TMEM185B: variants seen among roughly 807,000 people sequenced by gnomAD.
The protein encoded by TMEM185B is transmembrane protein 185B, also known as ee3_2.
Under a neutral mutation model 26.2 loss-of-function variants are expected in TMEM185B, and 9 were observed. The ratio of observed to expected loss-of-function variants is 0.34; its 90% CI spans 0.21 to 0.60. The LOEUF (loss-of-function observed/expected upper bound fraction) is 0.60, where lower values mean the gene tolerates loss of function less well. Ranked by LOEUF, TMEM185B falls within the 20% of genes least tolerant of loss-of-function variation. TMEM185B has a pLI of 0.80. For missense variants in TMEM185B, 392 were observed against 447.9 expected, an observed-to-expected ratio of 0.88 and a Z score of 1.13; for synonymous variants, 204 against 191.8, an observed-to-expected ratio of 1.06 and a Z score of -0.52.
Position 120,222,154 on chromosome 2 carries a change from G to A in TMEM185B, c.823C>T (p.Arg275Cys), listed in dbSNP as rs781680405. The A allele has an allele frequency of 2.6e-6, 4 of 1,562,668 alleles. No homozygotes were observed. The highest frequency in any genetic ancestry group is 3.5e-6 in the Non-Finnish European group (4 of 1,155,698). Residue 275 changes from arginine (R) to cysteine (C), a missense_variant, in exon 1 of 1, where the codon CGC (arginine) becomes TGC (cysteine). Arg to Cys is a radical substitution (Grantham distance 180). Transcript: ENST00000426077. ...AGCAGAAACTGACAGAAGTCTCTGC[G>A]AATGCCAAACCACCAATGATTGCCC... ...KGGNHWWFGI[R>C]RDFCQFLLEI...
In TMEM185B at chr2:120,222,030, G is replaced by T. The variant is rs1220081406; in HGVS notation, c.947C>A (p.Pro316Gln). 3.9e-6 allele frequency: 6 copies of T among 1,543,662 alleles called. No homozygotes were observed. Among genetic ancestry groups the T allele is most frequent in the Non-Finnish European group, 5.2e-6 (6 of 1,146,936 alleles). ...CTTTCCAAATATTGGAGCAATTTTC[G>T]GAGCTTCTGGAACTGATGTTTCTTC... is the stretch of plus-strand genomic sequence containing the variant. ...DAEETSVPEA[P>Q]KIAPIFGKKA... Residue 316 changes from proline (P) to glutamine (Q), a missense_variant, in exon 1 of 1, where the codon CCG becomes CAG. By Grantham distance (76) the Pro-to-Gln change is moderately conservative. This residue lies in a region of TMEM185B where 176 missense variants were observed against 201.6 expected (regional missense o/e 0.87). Transcript: ENST00000426077.
Position 120,221,825 on chromosome 2 carries a change from C to G in TMEM185B, c.*99G>C. The G allele has an allele frequency of 1.0e-6, 1 of 976,774 alleles. No individual in the cohort carries two copies. Among genetic ancestry groups the G allele is most frequent in the East Asian group, 2.6e-5 (1 of 38,150 alleles). 60.5% of individuals were successfully genotyped at this position (976,774 alleles called of 1,614,324 possible). A position where few individuals can be genotyped will look rare whatever the true frequency, so the allele number is the denominator to read the frequency against. On this transcript the variant is annotated 3_prime_UTR_variant, in exon 1 of 1. Transcript: ENST00000426077. The stretch of plus-strand genomic sequence containing the variant: ...CGGTGATCTCAAACACGGCGTGAGA[C>G]GAGTGTTTGAAGCCTGTTTCCATTT...
rs745956232 is a variant in TMEM185B, at chr2:120,220,024, G to A, written c.*1900C>T. Among the ~76,000 whole-genome samples the A allele has an allele frequency of 5.3e-5, 8 of 152,216 alleles. No homozygotes were observed. The South Asian group carries it at 8.3e-4, about 16-fold the overall frequency. On this transcript the variant is annotated 3_prime_UTR_variant, in exon 1 of 1. Coordinates refer to ENST00000426077, the MANE Select transcript of TMEM185B (RefSeq NM_024121.3). ...ACTGCCAGTGTGAGAGAGACAGAGC[G>A]AGCTCCCTCAGACAGCGAGCTCAAT...
Position 120,222,185 on chromosome 2 carries a change from T to C in TMEM185B, c.792A>G (p.Arg264=), listed in dbSNP as rs1361203024. Residue 264 remains arginine, a synonymous_variant, in exon 1 of 1, where the codon CGA becomes CGG. Coordinates refer to ENST00000426077, the MANE Select transcript of TMEM185B (RefSeq NM_024121.3). Reference sequence around the variant, plus strand: ...CAAACCACCAATGATTGCCCCCCTTTCGCCTAAATGTTGTGGCCATTAAAG... The same window carrying C: ...CAAACCACCAATGATTGCCCCCCTTCCGCCTAAATGTTGTGGCCATTAAAG... The part of the protein sequence containing the change: ...LLTLMATTFR[R]KGGNHWWFGI... 2.6e-6 allele frequency: 4 copies of C among 1,546,578 alleles called. No individual in the cohort carries two copies. In the East Asian group the frequency reaches 9.7e-5, roughly 38 times the overall value.
Position 120,221,984 on chromosome 2 carries a change from G to C in TMEM185B, c.993C>G (p.Thr331=). The C allele has an allele frequency of 6.5e-7, 1 of 1,537,428 alleles. No homozygotes were observed. Among genetic ancestry groups the C allele is most frequent in the South Asian group, 1.2e-5 (1 of 84,040 alleles). Residue 331 remains threonine (T), a synonymous_variant, in exon 1 of 1, where the codon ACC becomes ACG. Transcript: ENST00000426077. ...GGGGAACGTATTTCCCAGGGCTCTG[G>C]GTTATAACTACTCTGGCCTTCTTTC... The part of the protein sequence containing the change: ...IFGKKARVVI[T]QSPGKYVPPP...
rs1024215443 is a variant in TMEM185B at position 120,217,596 on chromosome 2, A to T, written c.*4328T>A. 1.4e-4 allele frequency among the ~76,000 whole-genome samples: 21 copies of T among 152,234 alleles called. No individual in the cohort carries two copies. The highest frequency in any genetic ancestry group is 2.6e-4 in the Non-Finnish European group (18 of 68,034). ...AATATATTTCATCAGTAGGAGTGGC[A>T]TCGTTTTACATTTTTGCAGATCCTT... On this transcript the variant is annotated 3_prime_UTR_variant, in exon 1 of 1. Coordinates refer to ENST00000426077, the MANE Select transcript of TMEM185B (RefSeq NM_024121.3).
rs1337026468 is a variant in TMEM185B, at chr2:120,222,599, G to A, written c.378C>T (p.Ser126=). The change falls in exon 1 of 1, where the codon TCC becomes TCT. Residue 126 remains serine (S), a synonymous_variant. Coordinates refer to ENST00000426077, the MANE Select transcript of TMEM185B (RefSeq NM_024121.3). ...FMPLFFVSPV[S]VAACVWGFRH... is the part of the protein sequence containing the mutation. ...GAAAGCCCCAGACGCAGGCAGCCAC[G>A]GACACGGGGGACACGAAGAAGAGAG... 12 of 1,536,422 alleles carry A rather than the reference G, an allele frequency of 7.8e-6. No homozygotes were observed. Among genetic ancestry groups the A allele is most frequent in the Admixed American group, 2.0e-5 (1 of 51,006 alleles).
rs1331666088 is a variant in TMEM185B, at chr2:120,218,094, T to C, written c.*3830A>G. ...CTGAACACCCTTCCTTTTGGGAAAA[T>C]CTTTTATCGAGTGAGTTCTGGCAGA... On this transcript the variant is annotated 3_prime_UTR_variant, in exon 1 of 1. Transcript: ENST00000426077. Among the ~76,000 whole-genome samples the C allele has an allele frequency of 6.6e-6, 1 of 152,152 alleles. No individual in the cohort carries two copies. Among genetic ancestry groups the C allele is most frequent in the Non-Finnish European group, 1.5e-5 (1 of 68,036 alleles).
rs530007945 is a variant in TMEM185B at position 120,220,023 on chromosome 2, C to T, written c.*1901G>A. ...AACTGCCAGTGTGAGAGAGACAGAG[C>T]GAGCTCCCTCAGACAGCGAGCTCAA... On this transcript the variant is annotated 3_prime_UTR_variant, in exon 1 of 1. Transcript: ENST00000426077. Among the ~76,000 whole-genome samples the T allele has an allele frequency of 3.9e-5, 6 of 152,342 alleles. No individual in the cohort carries two copies. The highest frequency in any genetic ancestry group is 1.2e-4 in the African/African-American group (5 of 41,584).
In TMEM185B at chr2:120,222,522, T is replaced by G; in HGVS notation, c.455A>C (p.Gln152Pro). ...CAGCTTTAGGGCGATGAAGATGAAC[T>G]GCAGGATGTTGACCGAGCACAGGAT... ...LEILCSVNIL[Q>P]FIFIALKLDR... Residue 152 changes from glutamine to proline, a missense_variant, in exon 1 of 1, where the codon CAG (glutamine) becomes CCG (proline). Coordinates refer to ENST00000426077, the MANE Select transcript of TMEM185B (RefSeq NM_024121.3). 2 of 1,536,270 alleles carry G rather than the reference T, an allele frequency of 1.3e-6. No homozygotes were observed.
In TMEM185B at chr2:120,221,747, C is replaced by T; in HGVS notation, c.*177G>A. On this transcript the variant is annotated 3_prime_UTR_variant, in exon 1 of 1. Coordinates refer to ENST00000426077, the MANE Select transcript of TMEM185B (RefSeq NM_024121.3). The stretch of plus-strand genomic sequence containing the variant: ...GCAAGTCTCTTACCCAGGTACACAT[C>T]ACACACACCCACATACTGAAACCAC... 1.6e-6 allele frequency: 1 copy of T among 617,112 alleles called. No homozygotes were observed. The highest frequency in any genetic ancestry group is 2.8e-6 in the Non-Finnish European group (1 of 360,440). 38.2% of individuals were successfully genotyped at this position (617,112 alleles called of 1,614,324 possible).
rs966399157 is a variant in TMEM185B at position 120,219,845 on chromosome 2, C to G, written c.*2079G>C. Among the ~76,000 whole-genome samples, 1 of 152,272 alleles carries G rather than the reference C, an allele frequency of 6.6e-6. No individual in the cohort carries two copies. Among genetic ancestry groups the G allele is most frequent in the Admixed American group, 6.5e-5 (1 of 15,294 alleles). ...CACCGTACAGGACACTTTGCATGGG[C>G]AGGGCTGTTTGCTCTCCACTGCATC... is the stretch of plus-strand genomic sequence containing the variant. On this transcript the variant is annotated 3_prime_UTR_variant, in exon 1 of 1. Transcript: ENST00000426077.
Position 120,221,717 on chromosome 2 carries a change from G to T in TMEM185B, c.*207C>A. 1.8e-6 allele frequency: 1 copy of T among 558,832 alleles called. No individual in the cohort carries two copies. Among genetic ancestry groups the T allele is most frequent in the South Asian group, 2.6e-5 (1 of 38,976 alleles). 34.6% of individuals were successfully genotyped at this position (558,832 alleles called of 1,614,324 possible). On this transcript the variant is annotated 3_prime_UTR_variant, in exon 1 of 1. Transcript: ENST00000426077. ...CAGCTACACCTGAAAGTGCGAACCT[G>T]GAAAGCAAGTCTCTTACCCAGGTAC...
rs1448701804 is a variant in TMEM185B at position 120,218,881 on chromosome 2, CCT to C, written c.*3041_*3042del. Among the ~76,000 whole-genome samples the C allele has an allele frequency of 7.9e-5, 12 of 152,356 alleles. No homozygotes were observed. The highest frequency in any genetic ancestry group is 1.9e-4 in the East Asian group (1 of 5,186). On this transcript the variant is annotated 3_prime_UTR_variant, in exon 1 of 1. Transcript: ENST00000426077. ...TACTGAGGTCACGGAGTGACAGCCC[CCT>C]GTGTGGACTGTGCTTGTTCCTTGGC... is the stretch of plus-strand genomic sequence containing the variant.
At position 120,222,040 on chromosome 2, in the gene TMEM185B, G is replaced by A. The variant is rs745558743; in HGVS notation, c.937C>T (p.Pro313Ser). The A allele has an allele frequency of 1.4e-5, 22 of 1,545,306 alleles. No individual in the cohort carries two copies. The highest frequency in any genetic ancestry group is 2.4e-5 in the East Asian group (1 of 40,936). ...DSEDAEETSV[P>S]EAPKIAPIFG... ...ATTGGAGCAATTTTCGGAGCTTCTGGAACTGATGTTTCTTCAGCATCTTCA... is the reference window on the plus strand; with the variant it reads ...ATTGGAGCAATTTTCGGAGCTTCTGAAACTGATGTTTCTTCAGCATCTTCA... Residue 313 changes from proline to serine, a missense_variant, in exon 1 of 1, where the codon CCA becomes TCA. Pro to Ser is a moderately conservative substitution (Grantham distance 74). Transcript: ENST00000426077.
rs954794401 is a variant in TMEM185B, at chr2:120,218,992, G to A, written c.*2932C>T. Among the ~76,000 whole-genome samples the A allele has an allele frequency of 1.3e-5, 2 of 152,220 alleles. No individual in the cohort carries two copies. The highest frequency in any genetic ancestry group is 2.9e-5 in the Non-Finnish European group (2 of 68,042). ...GTGAGCAGGGGCTGTATTTGTGCTT[G>A]CAAGGTAGGGCTTGGCCTCCTGTGC... On this transcript the variant is annotated 3_prime_UTR_variant, in exon 1 of 1. Transcript: ENST00000426077.
rs1688577383 is a variant in TMEM185B, at chr2:120,220,986, T to C, written c.*938A>G. 6.6e-6 allele frequency among the ~76,000 whole-genome samples: 1 copy of C among 152,162 alleles called. No homozygotes were observed. On this transcript the variant is annotated 3_prime_UTR_variant, in exon 1 of 1. Coordinates refer to ENST00000426077, the MANE Select transcript of TMEM185B (RefSeq NM_024121.3). The stretch of plus-strand genomic sequence containing the variant: ...TTCTTAGAAATGGACAAACCACTTG[T>C]TGCTTATTTCCACACAGTTACTACC...
rs1417392784 is a variant in TMEM185B, at chr2:120,219,964, C to G, written c.*1960G>C. ...ATGAATCCTTATTTATAAAAAGTTA[C>G]ACCCACTGCTGCTCAGGGCTGCCGG... On this transcript the variant is annotated 3_prime_UTR_variant, in exon 1 of 1. Transcript: ENST00000426077. Among the ~76,000 whole-genome samples the G allele has an allele frequency of 6.6e-6, 1 of 152,170 alleles. No individual in the cohort carries two copies. Among genetic ancestry groups the G allele is most frequent in the Non-Finnish European group, 1.5e-5 (1 of 68,048 alleles).
Position 120,218,022 on chromosome 2 carries a change from G to C in TMEM185B, c.*3902C>G, listed in dbSNP as rs891728384. ...CTGAGGTGCGCGCATGGGAAGATGG[G>C]GGTGCATCAGATAGCCAAGGAAAGT... On this transcript the variant is annotated 3_prime_UTR_variant, in exon 1 of 1. Coordinates refer to ENST00000426077, the MANE Select transcript of TMEM185B (RefSeq NM_024121.3). 2.6e-5 allele frequency among the ~76,000 whole-genome samples: 4 copies of C among 152,206 alleles called. No individual in the cohort carries two copies. Among genetic ancestry groups the C allele is most frequent in the African/African-American group, 9.7e-5 (4 of 41,448 alleles).
Sources: gnomAD v4.1 joint callset for allele counts (sites outside exome capture counted in the v4.1 genomes callset) on GRCh38, gnomAD v4.1.1 for gene constraint, gnomAD v4.1.1 regional missense constraint, MANE v1.5 for transcripts, NCBI Gene and HGNC (gene_info 2026-07-23, HGNC 2026-07-21) for gene names.